CRACR2A: variants seen among roughly 807,000 people sequenced by gnomAD.
The protein encoded by CRACR2A is EF-hand calcium-binding domain-containing protein 4B.
In CRACR2A, 79 loss-of-function variants were observed where a neutral mutation model predicts 90.5. The observed-to-expected ratio is 0.87, with a 90% confidence interval of 0.73 to 1.05. The LOEUF is 1.05. Among genes scored for constraint, CRACR2A ranks in the 50% least tolerant of loss-of-function variants. The pLI is 0.00. For synonymous variants in CRACR2A, 338 were observed against 356.7 expected, an observed-to-expected ratio of 0.95 and a Z score of 0.59; for missense variants, 823 against 897.2, an observed-to-expected ratio of 0.92 and a Z score of 1.06.
chr12:3,696,965 G>C lies in CRACR2A; in HGVS notation c.35C>G (p.Pro12Arg). 8 of 1,613,922 alleles carry C rather than the reference G, an allele frequency of 5.0e-6. No individual in the cohort carries two copies. Among genetic ancestry groups the C allele is most frequent in the Non-Finnish European group, 6.8e-6 (8 of 1,179,928 alleles). Reference protein sequence around the residue: ...AAPDGRVVSRPQRLGQGSGQG... With the variant: ...AAPDGRVVSRRQRLGQGSGQG... ...GCCAGACCCCTGACCAAGTCTCTGG[G>C]GTCTGGAGACTACCCTCCCGTCAGG... The change falls in exon 4 of 20, where the codon CCC becomes CGC. Residue 12 changes from proline (P) to arginine (R), a missense_variant. Physicochemically the swap from Pro to Arg is moderately radical, Grantham distance 103. Transcript: ENST00000440314.
At chr12:3,677,824 C>T (rs1945363166) in intron 6 of CRACR2A, among the ~76,000 whole-genome samples, 1 of 152,242 alleles carries the variant, frequency 6.6e-6, no homozygotes, top group Non-Finnish European at 1.5e-5. Context: ...AGCGCCCCCA[C>T]CAGGATCTTC....
chr12:3,699,398 T>A (rs1945797451), intron 3 of CRACR2A, among the ~76,000 whole-genome samples: 1 of 152,214 alleles, frequency 6.6e-6, no homozygotes, highest in South Asian at 2.1e-4. Context: ...TAGGACATGG[T>A]CCCTGCCCTT....
At chr12:3,692,433 T>C (rs1252601200) in intron 4 of CRACR2A, among the ~76,000 whole-genome samples, 1 of 151,198 alleles carries the variant, frequency 6.6e-6, no homozygotes, top group Non-Finnish European at 1.5e-5. Flanking sequence ...TCCTGGACTG[T>C]GTGCTCTAAC....
chr12:3,698,096 C>A (rs1038080684), intron 3 of CRACR2A, among the ~76,000 whole-genome samples: 1 of 152,040 alleles, frequency 6.6e-6, no homozygotes, highest in African/African-American at 2.4e-5. Context: ...TGTGAAATCG[C>A]CACATCATAA....
chr12:3,680,260 T>TG lies in CRACR2A; in HGVS notation c.317dup (p.Gln107ThrfsTer8). On this transcript the variant is annotated frameshift_variant, in exon 5 of 20. Transcript: ENST00000440314. LOFTEE classifies it high-confidence loss of function. ...TACTAAATCCAGTAGTGAACTCCTG[T>TG]GGGGTCAGATAGCCATTGCCATCAG... 1 of 1,614,146 alleles carries TG rather than the reference T, an allele frequency of 6.2e-7. No homozygotes were observed. Among genetic ancestry groups the TG allele is most frequent in the Non-Finnish European group, 8.5e-7 (1 of 1,179,988 alleles).
At chr12:3,706,092 G>A (rs1261631356) in intron 3 of CRACR2A, among the ~76,000 whole-genome samples, 5 of 152,156 alleles carry the variant, frequency 3.3e-5, no homozygotes, top group African/African-American at 4.8e-5. Context: ...AACCCTAAAC[G>A]TATAGGGCAG....
intron 17 of CRACR2A, among the ~76,000 whole-genome samples, chr12:3,622,717 T>G (rs1240934057): frequency 6.6e-6 from 1 of 152,174 alleles, no homozygotes; most frequent in Non-Finnish European, 1.5e-5. Flanking sequence ...CTGCTATTTC[T>G]CTGGAGCTAG....
At chr12:3,708,309 A>T (rs1565497056) in intron 3 of CRACR2A, among the ~76,000 whole-genome samples, 1 of 152,112 alleles carries the variant, frequency 6.6e-6, no homozygotes, top group Non-Finnish European at 1.5e-5. Flanking sequence ...ACTTTAGAAC[A>T]CTTTTCTGGG....
Position 3,673,596 on chromosome 12 carries a change from C to T in CRACR2A, c.525-4G>A, listed in dbSNP as rs1363469369. 1 of 1,612,356 alleles carries T rather than the reference C, an allele frequency of 6.2e-7. No individual in the cohort carries two copies. The highest frequency in any genetic ancestry group is 1.3e-5 in the African/African-American group (1 of 74,864). On this transcript the variant is annotated splice_polypyrimidine_tract_variant and splice_region_variant and intron_variant, in intron 6 of 19. Coordinates refer to ENST00000440314, the MANE Select transcript of CRACR2A (RefSeq NM_001144958.2). ...GAGCTGCTTGACATCACTTTCACTG[C>T]AAGAGAAGGGACGCTCATGTGGAAG...
intron 3 of CRACR2A, among the ~76,000 whole-genome samples, chr12:3,699,431 C>T (rs1214176008): frequency 6.6e-6 from 1 of 151,944 alleles, no homozygotes; most frequent in African/African-American, 2.4e-5. Flanking sequence ...TCTGAGAGTC[C>T]CTAATGGTGG....
At chr12:3,645,739 G>C (rs987333990) in intron 11 of CRACR2A, among the ~76,000 whole-genome samples, 1 of 152,190 alleles carries the variant, frequency 6.6e-6, no homozygotes, top group African/African-American at 2.4e-5. Context: ...GTGAAGAAAA[G>C]GAGTGGAGAC....
chr12:3,630,288 T>C (rs544066943), intron 15 of CRACR2A, among the ~76,000 whole-genome samples: 1 of 152,054 alleles, frequency 6.6e-6, no homozygotes, highest in East Asian at 1.9e-4. Context: ...GTGGAGATGG[T>C]GTGGGTTAGC....
At chr12:3,630,530 C>T (rs1944359970) in intron 15 of CRACR2A, among the ~76,000 whole-genome samples, 1 of 152,144 alleles carries the variant, frequency 6.6e-6, no homozygotes. Context: ...GAAGAAACAC[C>T]TTGGATTCTG....
chr12:3,750,777 C>A (rs1946691388), intron 1 of CRACR2A, among the ~76,000 whole-genome samples: 2 of 152,188 alleles, frequency 1.3e-5, no homozygotes, highest in African/African-American at 2.4e-5. Flanking sequence ...ACCCAGGCAG[C>A]CTGCAGATTC....
intron 17 of CRACR2A, among the ~76,000 whole-genome samples, chr12:3,626,788 C>T (rs766254648): frequency 6.6e-5 from 10 of 152,014 alleles, no homozygotes; most frequent in Non-Finnish European, 1.3e-4. Flanking sequence ...ATGTACAAAA[C>T]GACATACTGC....
intron 1 of CRACR2A, among the ~76,000 whole-genome samples, chr12:3,750,140 TG>T (rs144028471): frequency 0.038 from 5,733 of 151,930 alleles, 360 homozygotes; most frequent in African/African-American, 0.13. Context: ...TTTGCCACGT[TG>T]GCCAGGCTGG....
intron 6 of CRACR2A, among the ~76,000 whole-genome samples, chr12:3,677,464 C>T (rs1436401825): frequency 6.6e-6 from 1 of 152,180 alleles, no homozygotes; most frequent in African/African-American, 2.4e-5. Flanking sequence ...TCCTCAGAGT[C>T]ACGTCTGGTG....
intron 11 of CRACR2A, among the ~76,000 whole-genome samples, chr12:3,645,257 CA>C (rs1454660035): frequency 1.3e-5 from 2 of 152,194 alleles, no homozygotes; most frequent in Non-Finnish European, 2.9e-5. Flanking sequence ...AATAAGACAG[CA>C]TTTGCATAGA....
intron 4 of CRACR2A, among the ~76,000 whole-genome samples, chr12:3,689,762 G>A (rs1364431674): frequency 6.9e-6 from 1 of 145,672 alleles, no homozygotes; most frequent in African/African-American, 2.6e-5. Context: ...GTTTCGGTAG[G>A]AATGGTACCA....
Sources: allele counts gnomAD v4.1 joint callset (sites outside exome capture counted in the v4.1 genomes callset), GRCh38; gene constraint gnomAD v4.1.1; transcripts MANE v1.5; gene names NCBI Gene and HGNC (gene_info 2026-07-23, HGNC 2026-07-21).